The following SLC4A8 variants were observed in gnomAD, a reference collection of about 807,000 sequenced individuals.
The protein encoded by SLC4A8 is electroneutral sodium bicarbonate exchanger 1.
In SLC4A8, 40 loss-of-function variants were observed where a neutral mutation model predicts 125.0. The observed-to-expected ratio is 0.32, with a 90% confidence interval of 0.25 to 0.42. The LOEUF (loss-of-function observed/expected upper bound fraction) is 0.42, where lower values mean the gene tolerates loss of function less well. SLC4A8 is among the 10% of genes least tolerant of loss of function. SLC4A8 has a pLI of 1.00. For missense variants in SLC4A8, 863 were observed against 1,355.1 expected (o/e 0.64, Z 5.70); for synonymous variants, 456 against 476.0 (o/e 0.96, Z 0.55).
intron 19 of SLC4A8, among the ~76,000 whole-genome samples, chr12:51,491,015 A>G (rs75990229): frequency 0.047 from 7,118 of 152,256 alleles, 518 homozygotes; most frequent in African/African-American, 0.15. Flanking sequence ...AAAGGTCTCA[A>G]TTGTTGACTG....
Position 51,453,515 on chromosome 12 carries a change from T to C in SLC4A8, c.414-24T>C, listed in dbSNP as rs1285420355. 3.7e-6 allele frequency: 6 copies of C among 1,605,010 alleles called. No individual in the cohort carries two copies. In the South Asian group the frequency reaches 5.5e-5, roughly 15 times the overall value. Reference sequence around the variant, plus strand: ...AATTCCTCATTTTCTATCTTTGGCATCTAGTTATTTGTAATGCTTTCAGGT... The same window carrying C: ...AATTCCTCATTTTCTATCTTTGGCACCTAGTTATTTGTAATGCTTTCAGGT... On this transcript the variant is annotated intron_variant, in intron 4 of 24. Transcript: ENST00000453097.
At chr12:51,475,773 C>T (rs1433108425) in intron 16 of SLC4A8, among the ~76,000 whole-genome samples, 1 of 152,152 alleles carries the variant, frequency 6.6e-6, no homozygotes, top group Non-Finnish European at 1.5e-5. Context: ...CCAGTTTTGG[C>T]AGGGCAAGAT....
chr12:51,463,560 C>T (rs2138256859), intron 10 of SLC4A8, 54 bp from the exon 11 acceptor site: 1 of 1,375,700 alleles, frequency 7.3e-7, no homozygotes, highest in Non-Finnish European at 1.0e-6. Context: ...CTGCTGATAG[C>T]AGGACGAAAA....
In SLC4A8 at chr12:51,419,012, G is replaced by A. The variant is rs115015453; in HGVS notation, c.-111-21696G>A. Among the ~76,000 whole-genome samples, 428 of 152,240 alleles carry A rather than the reference G, an allele frequency of 2.8e-3. 3 individuals carry two copies. The highest frequency in any genetic ancestry group is 9.7e-3 in the African/African-American group (403 of 41,544). ...CCCTGGGCTTTTGCTGGTGGGGGAG[G>A]GGTTAATGTCAGTTCTAAAGAAGAT... is the stretch of plus-strand genomic sequence containing the variant. On this transcript the variant is annotated intron_variant, in intron 1 of 24. Transcript: ENST00000358657.
intron 1 of SLC4A8, among the ~76,000 whole-genome samples, chr12:51,426,267 A>G (rs1045866848): frequency 9.9e-5 from 15 of 152,222 alleles, no homozygotes; most frequent in African/African-American, 3.6e-4. Flanking sequence ...TGAAAAGAAC[A>G]ATATCTAAGA....
chr12:51,435,792 A>G (rs1031061888), intron 1 of SLC4A8, among the ~76,000 whole-genome samples: 1 of 152,048 alleles, frequency 6.6e-6, no homozygotes, highest in South Asian at 2.1e-4. Flanking sequence ...ACACAATCCT[A>G]GTTGTCTTCG....
chr12:51,429,911 G>A (rs545464239), intron 1 of SLC4A8, among the ~76,000 whole-genome samples: 2 of 151,852 alleles, frequency 1.3e-5, no homozygotes, highest in Non-Finnish European at 2.9e-5. Flanking sequence ...ATTGGAACTG[G>A]GGACACCTGG....
intron 1 of SLC4A8, among the ~76,000 whole-genome samples, chr12:51,406,652 G>A (rs989360757): frequency 2.0e-5 from 3 of 152,340 alleles, no homozygotes; most frequent in East Asian, 1.9e-4. Flanking sequence ...TTTGTGTGAC[G>A]TTGGTGGCCC....
At position 51,479,441 on chromosome 12, in the gene SLC4A8, C is replaced by G. The variant is rs546040442; in HGVS notation, c.2172+4235C>G. Among the ~76,000 whole-genome samples the G allele has an allele frequency of 4.2e-4, 64 of 152,216 alleles. No homozygotes were observed. In the South Asian group the frequency reaches 0.013, roughly 30 times the overall value. ...GTGGCTCATGGCTATAATCCCAGCA[C>G]TTTGGGAGGCCAAGGTGGGTGGATT... On this transcript the variant is annotated intron_variant, in intron 16 of 24. Coordinates refer to ENST00000453097, the MANE Select transcript of SLC4A8 (RefSeq NM_001039960.3).
chr12:51,429,241 G>A (rs558266988), intron 1 of SLC4A8, among the ~76,000 whole-genome samples: 1 of 152,254 alleles, frequency 6.6e-6, no homozygotes, highest in South Asian at 2.1e-4. Context: ...TAAGTGCCAG[G>A]GTTGCTTGTG....
intron 22 of SLC4A8, among the ~76,000 whole-genome samples, chr12:51,499,843 G>T (rs1241556540): frequency 1.3e-5 from 2 of 152,112 alleles, no homozygotes; most frequent in Admixed American, 1.3e-4. Context: ...AAATGCAAAG[G>T]TCTTGAGGAG....
intron 17 of SLC4A8, among the ~76,000 whole-genome samples, chr12:51,488,423 G>A (rs1225196016): frequency 1.3e-5 from 2 of 152,154 alleles, no homozygotes; most frequent in African/African-American, 2.4e-5. Flanking sequence ...GGTCCCCTGT[G>A]CCAAGGGGGT....
chr12:51,459,388 C>G (rs1473201416), intron 7 of SLC4A8, among the ~76,000 whole-genome samples: 1 of 152,074 alleles, frequency 6.6e-6, no homozygotes, highest in Non-Finnish European at 1.5e-5. Flanking sequence ...CGAACCTATA[C>G]CTTAAAAGCT....
At chr12:51,442,297 A>G (rs1949625651) in intron 2 of SLC4A8, among the ~76,000 whole-genome samples, 1 of 152,124 alleles carries the variant, frequency 6.6e-6, no homozygotes, top group African/African-American at 2.4e-5. Flanking sequence ...TTCTGTTCTG[A>G]TAATCATGTG....
intron 16 of SLC4A8, among the ~76,000 whole-genome samples, chr12:51,484,342 GTATC>G (rs1300732131): frequency 6.6e-6 from 1 of 152,178 alleles, no homozygotes; most frequent in Non-Finnish European, 1.5e-5. Flanking sequence ...TTAAAAGATA[GTATC>G]TGTCATCAGA....
intron 8 of SLC4A8, among the ~76,000 whole-genome samples, chr12:51,460,690 G>C (rs1405344656): frequency 6.6e-6 from 1 of 152,210 alleles, no homozygotes; most frequent in Non-Finnish European, 1.5e-5. Flanking sequence ...TTGCAGATAT[G>C]CAAACATTTG....
intron 7 of SLC4A8, among the ~76,000 whole-genome samples, chr12:51,458,963 C>T (rs991866632): frequency 6.6e-6 from 1 of 152,196 alleles, no homozygotes; most frequent in African/African-American, 2.4e-5. Flanking sequence ...TCCAGCAGTT[C>T]CTTCTCACCC....
intron 16 of SLC4A8, among the ~76,000 whole-genome samples, chr12:51,478,779 A>C (rs552457432): frequency 6.6e-6 from 1 of 152,306 alleles, no homozygotes; most frequent in Non-Finnish European, 1.5e-5. Context: ...TTGGATTAGG[A>C]TGTGGTGAAT....
chr12:51,484,896 A>G (rs2138378991), intron 16 of SLC4A8, among the ~76,000 whole-genome samples: 1 of 152,226 alleles, frequency 6.6e-6, no homozygotes, highest in East Asian at 1.9e-4. Context: ...GAAGAGCTCA[A>G]AGAGAAGGTG....
Sources: allele counts gnomAD v4.1 joint callset (sites outside exome capture counted in the v4.1 genomes callset), GRCh38; gene constraint gnomAD v4.1.1; transcripts MANE v1.5; gene names NCBI Gene and HGNC (gene_info 2026-07-23, HGNC 2026-07-21).